The following PHYHIPL variants were observed in gnomAD, a reference collection of about 807,000 sequenced individuals.
PHYHIPL encodes the protein phytanoyl-CoA 2-hydroxylase interacting protein like.
PHYHIPL carries 9 observed loss-of-function variants against 33.4 expected under a neutral mutation model. That is an observed-to-expected ratio of 0.27 (90% CI 0.16 to 0.47). The LOEUF (loss-of-function observed/expected upper bound fraction) is 0.47. Among genes scored for constraint, PHYHIPL ranks in the 20% least tolerant of loss-of-function variants. The probability of loss-of-function intolerance (pLI) is 0.99; values close to 1 mark genes in which losing one functional copy is unlikely to be tolerated. For synonymous variants in PHYHIPL, 153 were observed against 154.1 expected, an observed-to-expected ratio of 0.99 and a Z score of 0.05; for missense variants, 365 against 460.7, an observed-to-expected ratio of 0.79 and a Z score of 1.90.
intron 1 of PHYHIPL, among the ~76,000 whole-genome samples, chr10:59,225,314 T>C (rs1839896120): frequency 6.6e-6 from 1 of 150,664 alleles, no homozygotes; most frequent in African/African-American, 2.4e-5. Context: ...GCAGGAAAAA[T>C]AGTAAAGAAG....
intron 4 of PHYHIPL, among the ~76,000 whole-genome samples, chr10:59,240,261 G>A (rs1840352403): frequency 6.6e-6 from 1 of 151,914 alleles, no homozygotes; most frequent in Admixed American, 6.6e-5. Flanking sequence ...TGTCAGTTGT[G>A]GATTGGCAAT....
intron 1 of PHYHIPL, among the ~76,000 whole-genome samples, chr10:59,183,139 C>CT (rs879599670): frequency 1.7e-3 from 247 of 147,730 alleles, no homozygotes; most frequent in Admixed American, 2.8e-3. Context: ...TCTTTTGAGG[C>CT]TTTTTTTTTT....
intron 1 of PHYHIPL, among the ~76,000 whole-genome samples, chr10:59,198,541 A>T (rs1252637960): frequency 1.3e-5 from 2 of 152,160 alleles, no homozygotes; most frequent in Admixed American, 6.6e-5. Context: ...TTATAGTAGC[A>T]TGATTTATAA....
intron 1 of PHYHIPL, among the ~76,000 whole-genome samples, chr10:59,225,638 C>T (rs1839902909): frequency 1.3e-5 from 2 of 152,114 alleles, no homozygotes; most frequent in African/African-American, 4.8e-5. Flanking sequence ...GTAGATTAAC[C>T]AAACCAAGAG....
chr10:59,242,419 A>G (rs925123274), intron 4 of PHYHIPL, among the ~76,000 whole-genome samples: 2 of 141,086 alleles, frequency 1.4e-5, no homozygotes, highest in Non-Finnish European at 3.0e-5. Flanking sequence ...CCACTGGTAG[A>G]TAGTCAGGAG....
chr10:59,234,569 G>A (rs1840168872), intron 2 of PHYHIPL, 69 bp downstream of exon 2: 2 of 1,126,774 alleles, frequency 1.8e-6, no homozygotes, highest in Non-Finnish European at 1.2e-6. Context: ...CATTTTAAAA[G>A]AACGAATAAT....
At chr10:59,215,170 G>A (rs1839578232) in intron 1 of PHYHIPL, among the ~76,000 whole-genome samples, 1 of 151,988 alleles carries the variant, frequency 6.6e-6, no homozygotes, top group South Asian at 2.1e-4. Context: ...GAGTTGACAG[G>A]ATTTACCCAT....
At chr10:59,225,413 A>G (rs1223478988) in intron 1 of PHYHIPL, among the ~76,000 whole-genome samples, 1 of 151,976 alleles carries the variant, frequency 6.6e-6, no homozygotes, top group Non-Finnish European at 1.5e-5. Context: ...CCTTGTTGCC[A>G]TGGATTAATA....
intron 4 of PHYHIPL, among the ~76,000 whole-genome samples, chr10:59,242,693 C>T (rs774534236): frequency 2.6e-5 from 4 of 151,546 alleles, no homozygotes; most frequent in Non-Finnish European, 5.9e-5. Context: ...ACGGAAGCAG[C>T]AAAGAAATAG....
At chr10:59,183,771 C>A in intron 1 of PHYHIPL, 1 of 638,308 alleles carries the variant, frequency 1.6e-6, no homozygotes, top group African/African-American at 2.0e-5. Context: ...TTAAAAGGGG[C>A]TGCTCCGTGG....
rs184482969 is a variant in PHYHIPL, at chr10:59,204,551, C to G, written c.106+27592C>G. On this transcript the variant is annotated intron_variant, in intron 1 of 4. Coordinates refer to ENST00000373880, the MANE Select transcript of PHYHIPL (RefSeq NM_032439.4). The stretch of plus-strand genomic sequence containing the variant: ...AGTGCAAATTTAGTTTGGTTTCATT[C>G]CCATGTCAACTAGGATAACTCAAGG... 8.5e-5 allele frequency among the ~76,000 whole-genome samples: 13 copies of G among 152,274 alleles called. No individual in the cohort carries two copies. In the East Asian group the frequency reaches 2.5e-3, roughly 29 times the overall value.
intron 1 of PHYHIPL, among the ~76,000 whole-genome samples, chr10:59,198,611 A>G (rs1838994257): frequency 6.6e-6 from 1 of 152,282 alleles, no homozygotes; most frequent in African/African-American, 2.4e-5. Flanking sequence ...CTAGTTCTAG[A>G]TCCTTGAGGA....
intron 2 of PHYHIPL, among the ~76,000 whole-genome samples, chr10:59,236,070 A>G (rs958279028): frequency 1.3e-4 from 20 of 151,928 alleles, no homozygotes; most frequent in African/African-American, 4.6e-4. Context: ...AGCATATAGT[A>G]TACAGAAAAG....
At chr10:59,180,869 C>T (rs568312975) in intron 1 of PHYHIPL, among the ~76,000 whole-genome samples, 5 of 152,086 alleles carry the variant, frequency 3.3e-5, no homozygotes, top group Middle Eastern at 3.4e-3. Flanking sequence ...TTAGATAATC[C>T]GTAATGGCAT....
At chr10:59,199,689 C>T (rs1839038524) in intron 1 of PHYHIPL, among the ~76,000 whole-genome samples, 1 of 152,180 alleles carries the variant, frequency 6.6e-6, no homozygotes, top group Non-Finnish European at 1.5e-5. Context: ...TATCCATGAG[C>T]ATGGAATGTT....
intron 4 of PHYHIPL, among the ~76,000 whole-genome samples, chr10:59,243,803 G>C (rs1379284449): frequency 1.3e-5 from 2 of 152,084 alleles, no homozygotes; most frequent in African/African-American, 4.8e-5. Flanking sequence ...GGGGAATTCT[G>C]GAGAGAATTT....
At chr10:59,177,640 T>C (rs777801018) in intron 1 of PHYHIPL, 23 of 1,551,300 alleles carry the variant, frequency 1.5e-5, no homozygotes, top group Non-Finnish European at 1.9e-5. Context: ...TGCGTGTTGA[T>C]ATTATATCGT....
intron 1 of PHYHIPL, among the ~76,000 whole-genome samples, chr10:59,184,060 A>G (rs11815128): frequency 0.049 from 7,484 of 152,284 alleles, 247 homozygotes; most frequent in South Asian, 0.096. Context: ...GCCAACAAGA[A>G]TTATGTAACT....
intron 1 of PHYHIPL, among the ~76,000 whole-genome samples, chr10:59,179,897 A>G (rs1038687233): frequency 4.8e-5 from 7 of 145,478 alleles, no homozygotes; most frequent in African/African-American, 1.8e-4. Flanking sequence ...TACCTCATGG[A>G]TTGTCTTCCC....
Sources: allele counts gnomAD v4.1 joint callset (sites outside exome capture counted in the v4.1 genomes callset), GRCh38; gene constraint gnomAD v4.1.1; transcripts MANE v1.5; gene names NCBI Gene and HGNC (gene_info 2026-07-23, HGNC 2026-07-21).